SHLD2: variants seen among roughly 807,000 people sequenced by gnomAD.
The protein encoded by SHLD2 is shieldin complex subunit 2, also known as RINN1-REV7-interacting novel NHEJ regulator 2.
In SHLD2, 30 loss-of-function variants were observed where a neutral mutation model predicts 73.2. The observed-to-expected ratio is 0.41, with a 90% CI of 0.31 to 0.56. SHLD2 has a LOEUF of 0.56. Among genes scored for constraint, SHLD2 ranks in the 20% least tolerant of loss-of-function variants. SHLD2 has a pLI of 0.28. For synonymous variants in SHLD2, 285 were observed against 370.1 expected (o/e 0.77, Z 2.64); for missense variants, 745 against 1,055.9 (o/e 0.71, Z 4.08).
intron 2 of SHLD2, among the ~76,000 whole-genome samples, chr10:87,128,430 A>C: frequency 6.6e-6 from 1 of 152,244 alleles, no homozygotes; most frequent in Non-Finnish European, 1.5e-5. Context: ...ACAGTGCTCC[A>C]ACATGGAGTA....
intron 4 of SHLD2, among the ~76,000 whole-genome samples, chr10:87,159,481 A>G (rs1846661650): frequency 6.6e-6 from 1 of 152,216 alleles, no homozygotes; most frequent in South Asian, 2.1e-4. Context: ...AAAATGAATG[A>G]AACAGACATA....
chr10:87,150,982 C>T (rs1025248177), intron 2 of SHLD2, among the ~76,000 whole-genome samples: 31 of 151,986 alleles, frequency 2.0e-4, no homozygotes, highest in South Asian at 6.2e-4. Context: ...TGTGCTACCA[C>T]GCCCAGCTAA....
chr10:87,154,828 G>C (rs1846283942), intron 3 of SHLD2, among the ~76,000 whole-genome samples: 1 of 152,174 alleles, frequency 6.6e-6, no homozygotes, highest in South Asian at 2.1e-4. Context: ...GAGGTATTTA[G>C]AAGAAGAAAA....
At chr10:87,096,326 T>A (rs574050001) in intron 1 of SHLD2, among the ~76,000 whole-genome samples, 10 of 152,270 alleles carry the variant, frequency 6.6e-5, no homozygotes, top group South Asian at 2.1e-4. Context: ...ATTACAGACG[T>A]GAGCCACCGC....
chr10:87,110,602 A>G (rs2133998178), intron 2 of SHLD2, among the ~76,000 whole-genome samples: 1 of 126,608 alleles, frequency 7.9e-6, no homozygotes, highest in South Asian at 2.3e-4. Flanking sequence ...GTGAGACTCC[A>G]TCTCAAAAAA....
intron 2 of SHLD2, among the ~76,000 whole-genome samples, chr10:87,135,412 A>G (rs1261093378): frequency 6.6e-6 from 1 of 152,002 alleles, no homozygotes; most frequent in Non-Finnish European, 1.5e-5. Context: ...ATGTCCTTCT[A>G]TTGATATCTG....
chr10:87,102,336 TCCTGGAC>T (rs1564574968), intron 2 of SHLD2, among the ~76,000 whole-genome samples: 1 of 152,112 alleles, frequency 6.6e-6, no homozygotes, highest in African/African-American at 2.4e-5. Context: ...TTTTTTTTAC[TCCTGGAC>T]CCAAGCGGTC....
intron 2 of SHLD2, among the ~76,000 whole-genome samples, chr10:87,147,306 G>A (rs1414595538): frequency 6.6e-6 from 1 of 151,966 alleles, no homozygotes; most frequent in East Asian, 1.9e-4. Context: ...GAATGGGATT[G>A]GATGAAATTC....
intron 3 of SHLD2, among the ~76,000 whole-genome samples, chr10:87,155,595 A>G (rs1160683119): frequency 6.6e-6 from 1 of 151,856 alleles, no homozygotes; most frequent in East Asian, 1.9e-4. Flanking sequence ...TGTTAACAAA[A>G]TTAAGTTTCC....
At position 87,161,454 on chromosome 10, in the gene SHLD2, T is replaced by A. The variant is rs548805140; in HGVS notation, c.1633+3299T>A. ...AGCAAGGCCCTGTCTCAAAAAAAAA[T>A]AATAATAGTAATTAGACTTAATATA... is the stretch of plus-strand genomic sequence containing the variant. On this transcript the variant is annotated intron_variant, in intron 4 of 9. Coordinates refer to ENST00000298786, the MANE Select transcript of SHLD2 (RefSeq NM_001330112.2). 7.9e-5 allele frequency among the ~76,000 whole-genome samples: 12 copies of A among 151,988 alleles called. No homozygotes were observed. The South Asian group carries it at 1.7e-3, about 21-fold the overall frequency.
intron 9 of SHLD2, among the ~76,000 whole-genome samples, chr10:87,190,051 AG>A (rs1481033744): frequency 6.6e-6 from 1 of 152,078 alleles, no homozygotes; most frequent in Non-Finnish European, 1.5e-5. Flanking sequence ...TAGAAAGAGT[AG>A]TTTACTTACC....
At chr10:87,186,010 A>G (rs941739328) in intron 8 of SHLD2, among the ~76,000 whole-genome samples, 10 of 152,080 alleles carry the variant, frequency 6.6e-5, no homozygotes, top group Admixed American at 2.6e-4. Context: ...CGCATGCCCA[A>G]TTTCTTCCTA....
At position 87,152,379 on chromosome 10, in the gene SHLD2, T is replaced by C; in HGVS notation, c.1025T>C (p.Leu342Pro). 6.4e-7 allele frequency: 1 copy of C among 1,557,500 alleles called. No individual in the cohort carries two copies. The highest frequency in any genetic ancestry group is 8.8e-7 in the Non-Finnish European group (1 of 1,141,110). The change falls in exon 3 of 10, where the codon CTT becomes CCT. Residue 342 changes from leucine to proline, a missense_variant. Leu to Pro is a moderately conservative substitution (Grantham distance 98). Around this residue, in one of 5 missense-constraint regions of SHLD2, gnomAD observed 26 missense variants for 86.4 expected, o/e 0.30. Transcript: ENST00000298786. ...GLEEHTGSQELFSSEDELPPN... is the reference protein window; with the variant it reads ...GLEEHTGSQEPFSSEDELPPN... ...GAAGAACATACAGGATCTCAAGAAC[T>C]TTTCAGTTCTGAAGATGAACTGCCA...
In SHLD2 at chr10:87,152,234, G is replaced by A. The variant is rs771410383; in HGVS notation, c.880G>A (p.Asp294Asn). The change falls in exon 3 of 10, where the codon GAT (aspartate) becomes AAT (asparagine). Residue 294 changes from aspartate to asparagine, a missense_variant. Transcript: ENST00000298786. ...RIPEENSIQL[D>N]GFTEAYESGQ... ...ACCTGAAGAGAATTCGATTCAGCTT[G>A]ATGGTTTTACAGAAGCATATGAAAG... 1 of 1,579,018 alleles carries A rather than the reference G, an allele frequency of 6.3e-7. No individual in the cohort carries two copies. Among genetic ancestry groups the A allele is most frequent in the South Asian group, 1.1e-5 (1 of 87,564 alleles).
intron 4 of SHLD2, among the ~76,000 whole-genome samples, chr10:87,159,364 T>G (rs1846652458): frequency 6.6e-6 from 1 of 152,142 alleles, no homozygotes; most frequent in Non-Finnish European, 1.5e-5. Flanking sequence ...CAATATATAT[T>G]TATTATGTGT....
At chr10:87,151,298 A>T (rs1249275471) in intron 2 of SHLD2, 52 bp from the exon 3 acceptor site, 5 of 956,958 alleles carry the variant, frequency 5.2e-6, no homozygotes, top group Non-Finnish European at 7.6e-6. Flanking sequence ...TAATATCCAT[A>T]TGCAAAAATA....
intron 4 of SHLD2, among the ~76,000 whole-genome samples, chr10:87,168,030 G>A (rs1847326475): frequency 6.6e-6 from 1 of 152,196 alleles, no homozygotes; most frequent in Admixed American, 6.5e-5. Flanking sequence ...CTGTTGGTGC[G>A]AATGTAAATT....
intron 2 of SHLD2, 82 bp downstream of exon 2, chr10:87,097,071 G>C (rs1285342644): frequency 6.6e-6 from 1 of 152,102 alleles, no homozygotes; most frequent in Admixed American, 6.6e-5. Context: ...AAAACCCACG[G>C]AGTTTCAGAA....
At chr10:87,176,148 G>T (rs1471934531) in intron 7 of SHLD2, 53 bp downstream of exon 7, 7 of 1,546,034 alleles carry the variant, frequency 4.5e-6, no homozygotes, top group African/African-American at 2.7e-5. Flanking sequence ...TTGAAACAGG[G>T]TCTTGCTCTG....
Sources: allele counts gnomAD v4.1 joint callset (sites outside exome capture counted in the v4.1 genomes callset), GRCh38; gene constraint gnomAD v4.1.1; regional missense constraint gnomAD v4.1.1; transcripts MANE v1.5; gene names NCBI Gene and HGNC (gene_info 2026-07-23, HGNC 2026-07-21).